TFDP2: variants seen among roughly 807,000 people sequenced by gnomAD.
The protein encoded by TFDP2 is transcription factor Dp-2 (E2F dimerization partner 2).
Under a neutral mutation model 59.3 loss-of-function variants are expected in TFDP2, and 17 were observed. That is an observed-to-expected ratio of 0.29 (90% CI 0.20 to 0.43). TFDP2 has a LOEUF of 0.43. Among genes scored for constraint, TFDP2 ranks in the 20% least tolerant of loss-of-function variants. The pLI, the probability that TFDP2 is intolerant of heterozygous loss-of-function variation, is 1.00. For missense variants in TFDP2, 391 were observed against 528.8 expected (o/e 0.74, Z 2.56); for synonymous variants, 180 against 194.7 (o/e 0.92, Z 0.63).
At chr3:141,967,490 C>T (rs1304066181) in intron 9 of TFDP2, among the ~76,000 whole-genome samples, 1 of 151,966 alleles carries the variant, frequency 6.6e-6, no homozygotes, top group African/African-American at 2.4e-5. Flanking sequence ...GACGGGGTTT[C>T]TCCATGTTGG....
Position 142,003,251 on chromosome 3 carries a change from G to A in TFDP2, c.186+2190C>T, listed in dbSNP as rs191692099. Reference sequence around the variant, plus strand: ...CCTGACCTCGTGATCCACCCACCTTGGCCTCCCAAAGTGCTGGGATTACAG... The same window carrying A: ...CCTGACCTCGTGATCCACCCACCTTAGCCTCCCAAAGTGCTGGGATTACAG... On this transcript the variant is annotated intron_variant, in intron 4 of 12. Coordinates refer to ENST00000489671, the MANE Select transcript of TFDP2 (RefSeq NM_001178139.2). Among the ~76,000 whole-genome samples the A allele has an allele frequency of 4.3e-4, 65 of 151,934 alleles. 1 individual carries two copies. Among genetic ancestry groups the A allele is most frequent in the Middle Eastern group, 6.8e-3 (2 of 292 alleles).
chr3:142,043,527 C>A, intron 3 of TFDP2: 1 of 569,464 alleles, frequency 1.8e-6, no homozygotes. Flanking sequence ...CCACACTCGG[C>A]TAATTTATTT....
intron 1 of TFDP2, among the ~76,000 whole-genome samples, chr3:142,137,122 T>C (rs1169654837): frequency 1.3e-5 from 2 of 152,172 alleles, no homozygotes; most frequent in Admixed American, 1.3e-4. Context: ...GTTGGATTCC[T>C]AGGTATTTTA....
rs974273857 is a variant in TFDP2 at position 141,950,484 on chromosome 3, A to G, written c.*2029T>C. 4 of 152,558 alleles carry G rather than the reference A, an allele frequency of 2.6e-5. No individual in the cohort carries two copies. The highest frequency in any genetic ancestry group is 9.7e-5 in the African/African-American group (4 of 41,416). The allele number at this position is 152,558 out of a possible 1,614,324, so 9.5% of individuals were successfully genotyped here. ...AGAGCAGCAGAGATGGAGAGTAGAG[A>G]AAAAAACAGGTTTCCCAAGAACTCT... On this transcript the variant is annotated 3_prime_UTR_variant, in exon 13 of 13. Transcript: ENST00000489671.
intron 3 of TFDP2, among the ~76,000 whole-genome samples, chr3:142,008,865 G>C (rs1324495971): frequency 6.6e-6 from 1 of 152,090 alleles, no homozygotes; most frequent in Non-Finnish European, 1.5e-5. Context: ...CCTCATCGAT[G>C]CTTAGGACAG....
intron 1 of TFDP2, among the ~76,000 whole-genome samples, chr3:142,110,138 T>C (rs1055239821): frequency 9.9e-5 from 15 of 151,342 alleles, no homozygotes; most frequent in African/African-American, 3.6e-4. Context: ...CCCATCTAAG[T>C]CTCCCAAAGT....
chr3:142,117,028 T>C (rs1388790875), intron 1 of TFDP2, among the ~76,000 whole-genome samples: 1 of 152,044 alleles, frequency 6.6e-6, no homozygotes, highest in Non-Finnish European at 1.5e-5. Flanking sequence ...CTCAAGCGAT[T>C]CTCCTGCCTC....
intron 10 of TFDP2, among the ~76,000 whole-genome samples, chr3:141,960,835 ATTGTGGAAAGCCTC>A (rs1937260206): frequency 6.6e-6 from 1 of 152,202 alleles, no homozygotes; most frequent in Non-Finnish European, 1.5e-5. Flanking sequence ...TGTAATCCTC[ATTGTGGAAAGCCTC>A]TTGGCTAATT....
At chr3:142,001,546 G>A (rs146253386) in intron 4 of TFDP2, among the ~76,000 whole-genome samples, 5,236 of 152,156 alleles carry the variant, frequency 0.034, 166 homozygotes, top group Non-Finnish European at 0.044. Context: ...TTCCACCCAT[G>A]CACGCTAATC....
intron 3 of TFDP2, among the ~76,000 whole-genome samples, chr3:142,050,263 CAA>C (rs1225917255): frequency 1.9e-5 from 2 of 105,454 alleles, no homozygotes; most frequent in Admixed American, 9.9e-5. Context: ...GACTTCATCT[CAA>C]AAAAAAAAAA....
rs556273132 is a variant in TFDP2, at chr3:142,044,386, C to T, written c.83-38842G>A. Reference sequence around the variant, plus strand: ...AAGTAGCTGGGACTACAGGCGTGCACCACCACGCCCAGATAATTTCTGTAT... The same window carrying T: ...AAGTAGCTGGGACTACAGGCGTGCATCACCACGCCCAGATAATTTCTGTAT... On this transcript the variant is annotated intron_variant, in intron 3 of 12. Coordinates refer to ENST00000489671, the MANE Select transcript of TFDP2 (RefSeq NM_001178139.2). 1.2e-4 allele frequency among the ~76,000 whole-genome samples: 19 copies of T among 152,152 alleles called. No individual in the cohort carries two copies. The South Asian group carries it at 4.0e-3, about 32-fold the overall frequency.
intron 3 of TFDP2, among the ~76,000 whole-genome samples, chr3:142,030,117 G>C (rs147855658): frequency 3.9e-5 from 6 of 152,304 alleles, no homozygotes; most frequent in Middle Eastern, 3.4e-3. Context: ...AAATAGATCA[G>C]AGAGCTTCTT....
intron 6 of TFDP2, among the ~76,000 whole-genome samples, chr3:141,985,385 C>T (rs1941972635): frequency 6.6e-6 from 1 of 151,576 alleles, no homozygotes; most frequent in South Asian, 2.1e-4. Flanking sequence ...AAAAATTAGT[C>T]AGGTGTGGTG....
chr3:142,011,580 T>TA (rs1296261870), intron 3 of TFDP2, among the ~76,000 whole-genome samples: 5 of 66,762 alleles, frequency 7.5e-5, no homozygotes, highest in African/African-American at 2.7e-4. Context: ...CCCTAAAACT[T>TA]AAAGTATAAT....
intron 2 of TFDP2, chr3:142,093,912 G>A: frequency 2.0e-6 from 1 of 498,094 alleles, no homozygotes; most frequent in East Asian, 5.8e-5. Context: ...AAAGCATATA[G>A]CACAGGATTT....
chr3:142,122,887 C>T (rs1441607881), intron 1 of TFDP2, among the ~76,000 whole-genome samples: 2 of 151,646 alleles, frequency 1.3e-5, no homozygotes, highest in Non-Finnish European at 2.9e-5. Context: ...CAGTAACATG[C>T]AACAACATGG....
intron 3 of TFDP2, among the ~76,000 whole-genome samples, chr3:142,090,495 C>A (rs189530660): frequency 7.9e-5 from 12 of 152,200 alleles, no homozygotes; most frequent in African/African-American, 2.9e-4. Context: ...GACAATCTTT[C>A]TCACCTAAAC....
At chr3:141,965,725 A>C (rs1282098148) in intron 9 of TFDP2, among the ~76,000 whole-genome samples, 2 of 152,022 alleles carry the variant, frequency 1.3e-5, no homozygotes, top group African/African-American at 4.8e-5. Flanking sequence ...AAAAATAATG[A>C]ACACCAATTT....
chr3:142,092,191 A>G (rs989857428), intron 3 of TFDP2, among the ~76,000 whole-genome samples: 1 of 152,198 alleles, frequency 6.6e-6, no homozygotes, highest in Non-Finnish European at 1.5e-5. Flanking sequence ...ATTATTTTGA[A>G]GCCAATTCCA....
Sources: allele counts gnomAD v4.1 joint callset (sites outside exome capture counted in the v4.1 genomes callset), GRCh38; gene constraint gnomAD v4.1.1; transcripts MANE v1.5; gene names NCBI Gene and HGNC (gene_info 2026-07-23, HGNC 2026-07-21).